The following CYP4Z1 variants were observed in gnomAD, a reference collection of about 807,000 sequenced individuals.
CYP4Z1 encodes the protein cytochrome P450 family 4 subfamily Z member 1.
CYP4Z1 carries 41 observed loss-of-function variants against 54.2 expected under a neutral mutation model. That is an observed-to-expected ratio of 0.76 (90% CI 0.59 to 0.98). The LOEUF (loss-of-function observed/expected upper bound fraction) is 0.98, where lower values mean the gene tolerates loss of function less well. Ranked by LOEUF, CYP4Z1 falls within the 50% of genes least tolerant of loss-of-function variation. The pLI is 0.00. For synonymous variants in CYP4Z1, 163 were observed against 206.2 expected, an observed-to-expected ratio of 0.79 and a Z score of 1.79; for missense variants, 513 against 599.0, an observed-to-expected ratio of 0.86 and a Z score of 1.50.
intron 1 of CYP4Z1, 67 bp downstream of exon 1, chr1:47,067,734 C>T (rs1644461143): frequency 1.4e-6 from 2 of 1,430,756 alleles, no homozygotes; most frequent in Admixed American, 2.1e-5. Context: ...AAAAACAGCA[C>T]AGACTGGTGG....
intron 8 of CYP4Z1, among the ~76,000 whole-genome samples, chr1:47,102,053 A>T (rs891756788): frequency 2.0e-5 from 3 of 152,024 alleles, no homozygotes; most frequent in Admixed American, 2.0e-4. Context: ...TTTTTCTCTG[A>T]TATAAACATA....
At chr1:47,056,911 C>T in the CYP4Z1 span, among the ~76,000 whole-genome samples, 3 of 151,996 alleles carry the variant, frequency 2.0e-5, no homozygotes, top group Non-Finnish European at 4.4e-5. Flanking sequence ...AGCATTTAGC[C>T]CATTTACATT....
rs1644562162 is a variant in CYP4Z1, at chr1:47,082,478, G to C, written c.492+17G>C. The C allele has an allele frequency of 6.2e-7, 1 of 1,600,308 alleles. No individual in the cohort carries two copies. ...ATGATGCTGGTAAGAGGAGAAGAGAGCATTCGTACCTGGCCTCTGAAGTGA... is the reference window on the plus strand; with the variant it reads ...ATGATGCTGGTAAGAGGAGAAGAGACCATTCGTACCTGGCCTCTGAAGTGA... On this transcript the variant is annotated intron_variant, in intron 4 of 11. Coordinates refer to ENST00000334194, the MANE Select transcript of CYP4Z1 (RefSeq NM_178134.3).
chr1:47,116,628 G>A, intron 10 of CYP4Z1, 22 bp from the exon 11 acceptor site: 1 of 1,539,586 alleles, frequency 6.5e-7, no homozygotes, highest in Non-Finnish European at 8.9e-7. Flanking sequence ...GATTAGGACT[G>A]GGATCTTCAC....
chr1:47,068,457 G>A (rs957272408), intron 1 of CYP4Z1, among the ~76,000 whole-genome samples, 165 bp from the exon 2 acceptor site: 1 of 152,140 alleles, frequency 6.6e-6, no homozygotes, highest in African/African-American at 2.4e-5. Flanking sequence ...ATTCTGTGGA[G>A]GTGCTGGAGA....
intron 9 of CYP4Z1, among the ~76,000 whole-genome samples, chr1:47,113,398 C>T (rs1446609674): frequency 6.6e-6 from 1 of 152,216 alleles, no homozygotes; most frequent in East Asian, 1.9e-4. Context: ...GCATCCTAGG[C>T]TTCCTTCTGA....
At chr1:47,084,422 C>T (rs987838916) in intron 4 of CYP4Z1, among the ~76,000 whole-genome samples, 198 bp from the exon 5 acceptor site, 3 of 151,740 alleles carry the variant, frequency 2.0e-5, no homozygotes, top group African/African-American at 4.9e-5. Flanking sequence ...CTTACAAAGT[C>T]ACAAATAGCA....
At chr1:47,066,163 T>C (rs896208262), upstream of CYP4Z1, among the ~76,000 whole-genome samples, 1 of 152,016 alleles carries the variant, frequency 6.6e-6, no homozygotes, top group Non-Finnish European at 1.5e-5. Context: ...AAAGAGAGCA[T>C]CCTCCCTAAA....
chr1:47,103,754 C>T (rs1263390063), intron 8 of CYP4Z1, among the ~76,000 whole-genome samples: 1 of 151,956 alleles, frequency 6.6e-6, no homozygotes, highest in East Asian at 1.9e-4. Flanking sequence ...GCCACCACAA[C>T]CAGCTAAGTT....
intron 6 of CYP4Z1, among the ~76,000 whole-genome samples, chr1:47,085,669 T>A (rs1424238227): frequency 6.6e-6 from 1 of 152,122 alleles, no homozygotes; most frequent in African/African-American, 2.4e-5. Context: ...TATTTGCGGT[T>A]TATGTCTTTT....
intron 6 of CYP4Z1, among the ~76,000 whole-genome samples, chr1:47,089,281 A>G (rs561072782): frequency 2.0e-5 from 3 of 152,178 alleles, no homozygotes; most frequent in African/African-American, 7.2e-5. Context: ...TCTATTTACT[A>G]CTTCTCATAT....
chr1:47,090,372 G>C (rs1644630683), intron 6 of CYP4Z1, among the ~76,000 whole-genome samples: 1 of 152,218 alleles, frequency 6.6e-6, no homozygotes, highest in African/African-American at 2.4e-5. Context: ...GTTCCACATT[G>C]TGGGTGCTAC....
chr1:47,109,401 C>A (rs1644777703), intron 9 of CYP4Z1, among the ~76,000 whole-genome samples: 1 of 152,080 alleles, frequency 6.6e-6, no homozygotes, highest in African/African-American at 2.4e-5. Context: ...AAATTGTGGT[C>A]TTAATAAGCT....
intron 8 of CYP4Z1, among the ~76,000 whole-genome samples, chr1:47,102,246 A>T (rs1644726984): frequency 6.6e-6 from 1 of 152,192 alleles, no homozygotes; most frequent in African/African-American, 2.4e-5. Context: ...ATTCCATTAC[A>T]TTCAAGGTTA....
intron 1 of CYP4Z1, 26 bp from the exon 2 acceptor site, chr1:47,068,596 A>G (rs1313669747): frequency 1.9e-6 from 3 of 1,612,072 alleles, no homozygotes; most frequent in Admixed American, 1.7e-5. Flanking sequence ...ACCTTTACTA[A>G]CCAGTCATGA....
chr1:47,064,636 TA>T (rs752556200), upstream of CYP4Z1, among the ~76,000 whole-genome samples: 5 of 150,606 alleles, frequency 3.3e-5, no homozygotes, highest in South Asian at 2.1e-4. Flanking sequence ...AAAACTCAAT[TA>T]AAAAAAAACA....
chr1:47,095,288 C>T (rs1202772219), intron 7 of CYP4Z1, among the ~76,000 whole-genome samples: 1 of 152,028 alleles, frequency 6.6e-6, no homozygotes, highest in Non-Finnish European at 1.5e-5. Context: ...CAACATATCC[C>T]TCGGTGTTTC....
At chr1:47,062,931 C>T (rs1228172204), upstream of CYP4Z1, among the ~76,000 whole-genome samples, 1 of 152,190 alleles carries the variant, frequency 6.6e-6, no homozygotes, top group African/African-American at 2.4e-5. Flanking sequence ...GGCCAACCAA[C>T]ACAAAACCAG....
intron 8 of CYP4Z1, among the ~76,000 whole-genome samples, chr1:47,099,960 G>T (rs146395215): frequency 1.3e-5 from 2 of 151,720 alleles, no homozygotes; most frequent in Non-Finnish European, 2.9e-5. Flanking sequence ...TAAAAACCTC[G>T]TGCCTGCCTT....
Sources: gnomAD v4.1 joint callset for allele counts (sites outside exome capture counted in the v4.1 genomes callset) on GRCh38, gnomAD v4.1.1 for gene constraint, MANE v1.5 for transcripts, NCBI Gene and HGNC (gene_info 2026-07-23, HGNC 2026-07-21) for gene names.